The following MAML3 variants were observed in gnomAD, a reference collection of about 807,000 sequenced individuals.
The protein encoded by MAML3 is mastermind like transcriptional coactivator 3, also known as mastermind-like protein 3.
In MAML3, 27 loss-of-function variants were observed where a neutral mutation model predicts 101.9. The observed-to-expected ratio is 0.27, with a 90% confidence interval of 0.20 to 0.37. MAML3 has a LOEUF of 0.37. Among genes scored for constraint, MAML3 ranks in the 10% least tolerant of loss-of-function variants. The pLI is 1.00. For missense variants in MAML3, 1,316 were observed against 1,444.9 expected, an observed-to-expected ratio of 0.91 and a Z score of 1.45; for synonymous variants, 501 against 555.9, an observed-to-expected ratio of 0.90 and a Z score of 1.39.
At chr4:139,720,886 C>T (rs963690646) in intron 4 of MAML3, among the ~76,000 whole-genome samples, 1 of 152,204 alleles carries the variant, frequency 6.6e-6, no homozygotes, top group African/African-American at 2.4e-5. Flanking sequence ...GACCATTAGA[C>T]TAATTTCCCT....
intron 1 of MAML3, among the ~76,000 whole-genome samples, chr4:139,933,882 G>A (rs898445363): frequency 6.6e-6 from 1 of 152,196 alleles, no homozygotes; most frequent in African/African-American, 2.4e-5. Flanking sequence ...TGGGGTGGGG[G>A]TGTGTGTGAA....
chr4:139,917,430 A>G (rs1426956305), intron 1 of MAML3, among the ~76,000 whole-genome samples: 1 of 152,188 alleles, frequency 6.6e-6, no homozygotes, highest in Non-Finnish European at 1.5e-5. Context: ...GGGTAGTACC[A>G]GGGGAAAGAA....
intron 1 of MAML3, among the ~76,000 whole-genome samples, chr4:140,140,194 C>T (rs1439485519): frequency 1.3e-5 from 2 of 151,920 alleles, no homozygotes; most frequent in Non-Finnish European, 2.9e-5. Flanking sequence ...CATGGTGGCA[C>T]GCACCTGTAG....
At chr4:139,761,949 T>C (rs1729767937) in intron 2 of MAML3, among the ~76,000 whole-genome samples, 1 of 151,850 alleles carries the variant, frequency 6.6e-6, no homozygotes, top group African/African-American at 2.4e-5. Context: ...GGACAAGCAG[T>C]TCTATATTGC....
intron 2 of MAML3, among the ~76,000 whole-genome samples, chr4:139,864,674 C>CA (rs70943450): frequency 0.02 from 1,421 of 69,480 alleles, 219 homozygotes; most frequent in African/African-American, 0.078. Flanking sequence ...GGCTCCGTCT[C>CA]AAAAAAAAAA....
At chr4:140,108,420 T>C (rs1728388139) in intron 1 of MAML3, among the ~76,000 whole-genome samples, 1 of 151,898 alleles carries the variant, frequency 6.6e-6, no homozygotes, top group Non-Finnish European at 1.5e-5. Flanking sequence ...AAGGCTGGTC[T>C]GTACATTTCT....
At chr4:139,943,864 C>CCTTTTTTTTTTTTTTTTTT (rs1733652525) in intron 1 of MAML3, among the ~76,000 whole-genome samples, 9 of 65,824 alleles carry the variant, frequency 1.4e-4, no homozygotes, top group Admixed American at 2.0e-4. Context: ...CTAAAGACAA[C>CCTTTTTTTTTTTTTTTTTT]TTTTTTTTTT....
intron 1 of MAML3, among the ~76,000 whole-genome samples, chr4:140,007,282 T>C (rs1726468081): frequency 6.6e-6 from 1 of 152,142 alleles, no homozygotes; most frequent in Admixed American, 6.5e-5. Context: ...CGGCTAAAAA[T>C]TTATCACCAA....
At chr4:140,071,814 A>T (rs1727661327) in intron 1 of MAML3, among the ~76,000 whole-genome samples, 1 of 148,970 alleles carries the variant, frequency 6.7e-6, no homozygotes, top group Non-Finnish European at 1.5e-5. Flanking sequence ...TTATGTTCTC[A>T]GTGACCAGCT....
intron 1 of MAML3, among the ~76,000 whole-genome samples, chr4:139,965,816 A>G (rs76973461): frequency 0.011 from 1,725 of 152,220 alleles, 24 homozygotes; most frequent in African/African-American, 0.038. Flanking sequence ...ATAGCCAAGA[A>G]CCCCTGGGCT....
intron 2 of MAML3, among the ~76,000 whole-genome samples, chr4:139,872,998 C>G (rs1382336873): frequency 6.6e-6 from 1 of 152,094 alleles, no homozygotes; most frequent in African/African-American, 2.4e-5. Context: ...GGAAGAATTG[C>G]TTGAACCCAG....
At chr4:139,919,023 T>C (rs142413461) in intron 1 of MAML3, among the ~76,000 whole-genome samples, 279 of 152,302 alleles carry the variant, frequency 1.8e-3, no homozygotes, top group African/African-American at 6.2e-3. Flanking sequence ...GTTTCCTATA[T>C]GCACAGTGGG....
chr4:139,892,741 C>A (rs1732526769), intron 1 of MAML3, among the ~76,000 whole-genome samples: 1 of 151,762 alleles, frequency 6.6e-6, no homozygotes, highest in African/African-American at 2.4e-5. Context: ...CTGGCAAACA[C>A]GGTGAAACCC....
chr4:140,113,722 C>T (rs1213709496), intron 1 of MAML3, among the ~76,000 whole-genome samples: 1 of 152,212 alleles, frequency 6.6e-6, no homozygotes, highest in Non-Finnish European at 1.5e-5. Context: ...GCTAACTTCA[C>T]CTGTGCACAA....
At chr4:139,919,152 T>A (rs949806377) in intron 1 of MAML3, among the ~76,000 whole-genome samples, 1 of 151,902 alleles carries the variant, frequency 6.6e-6, no homozygotes, top group Admixed American at 6.6e-5. Flanking sequence ...CTGGAATGAG[T>A]TACTGAGGAG....
intron 1 of MAML3, among the ~76,000 whole-genome samples, chr4:139,938,119 G>A (rs1215314280): frequency 6.6e-6 from 1 of 152,170 alleles, no homozygotes; most frequent in Non-Finnish European, 1.5e-5. Flanking sequence ...AGGGCTATGA[G>A]TGGCCCCCAA....
At chr4:140,139,153 G>C (rs1194959742) in intron 1 of MAML3, among the ~76,000 whole-genome samples, 8 of 152,028 alleles carry the variant, frequency 5.3e-5, no homozygotes, top group Admixed American at 5.2e-4. Flanking sequence ...GGCACCTGTA[G>C]TCCCAGCTAC....
intron 2 of MAML3, among the ~76,000 whole-genome samples, chr4:139,868,305 T>G (rs891060481): frequency 6.6e-6 from 1 of 152,232 alleles, no homozygotes; most frequent in African/African-American, 2.4e-5. Context: ...ACAGTACTGT[T>G]GATATTGGAT....
chr4:139,964,984 G>C (rs1734098798), intron 1 of MAML3, among the ~76,000 whole-genome samples: 1 of 152,168 alleles, frequency 6.6e-6, no homozygotes, highest in African/African-American at 2.4e-5. Context: ...AAATTAGGAA[G>C]AAATGTACAT....
Sources: gnomAD v4.1 joint callset for allele counts (sites outside exome capture counted in the v4.1 genomes callset) on GRCh38, gnomAD v4.1.1 for gene constraint, MANE v1.5 for transcripts, NCBI Gene and HGNC (gene_info 2026-07-23, HGNC 2026-07-21) for gene names.